Variants in ARHGEF1 observed in about 807,000 individuals in gnomAD.
The protein encoded by ARHGEF1 is 115 kDa guanine nucleotide exchange factor.
In ARHGEF1, 40 loss-of-function variants were observed where a neutral mutation model predicts 119.7. The observed-to-expected ratio is 0.33, with a 90% confidence interval of 0.26 to 0.44. ARHGEF1 has a LOEUF of 0.44. Among genes scored for constraint, ARHGEF1 ranks in the 20% least tolerant of loss-of-function variants. The pLI, the probability that ARHGEF1 is intolerant of heterozygous loss-of-function variation, is 1.00. For missense variants in ARHGEF1, 976 were observed against 1,268.3 expected (o/e 0.77, Z 3.50); for synonymous variants, 494 against 521.0 (o/e 0.95, Z 0.71).
Position 41,904,058 on chromosome 19 carries a change from A to G in ARHGEF1, c.1941A>G (p.Lys647=), listed in dbSNP as rs1223618708. ...AGAACCTGGACATCACCAAGAAGAA[A>G]TTGGTCCACGAGGGCCCACTGACGT... ...EFKNLDITKK[K]LVHEGPLTWR... is the part of the protein sequence containing the mutation. The change falls in exon 21 of 29, where the codon AAA becomes AAG. Residue 647 remains lysine, a synonymous_variant. Transcript: ENST00000354532. This position sits in a 1 kb window ranked among gnomAD's most constrained non-coding sequence, Gnocchi z 8.4. 1 of 1,614,000 alleles carries G rather than the reference A, an allele frequency of 6.2e-7. No homozygotes were observed. The highest frequency in any genetic ancestry group is 8.5e-7 in the Non-Finnish European group (1 of 1,179,974).
At chr19:41,912,656 G>A (rs928686946) in intron 18 of ARHGEF1, among the ~76,000 whole-genome samples, 3 of 152,210 alleles carry the variant, frequency 2.0e-5, no homozygotes, top group African/African-American at 4.8e-5. Context: ...CAGCACGCAG[G>A]GGGCAGGGGA....
At position 41,901,926 on chromosome 19, in the gene ARHGEF1, G is replaced by A. The variant is rs1402507703; in HGVS notation, c.1307G>A (p.Arg436Gln). The change falls in exon 15 of 29, where the codon CGG (arginine) becomes CAG (glutamine). Residue 436 changes from arginine (R) to glutamine (Q), a missense_variant. Coordinates refer to ENST00000354532, the MANE Select transcript of ARHGEF1 (RefSeq NM_004706.4). ...VTEAAHVRML[R>Q]VLHDLFFQPM... The stretch of plus-strand genomic sequence containing the variant: ...GAGGCGGCCCACGTGCGCATGCTGC[G>A]GGTGCTGCACGACCTCTTCTTCCAG... 3 of 1,613,086 alleles carry A rather than the reference G, an allele frequency of 1.9e-6. No individual in the cohort carries two copies. The highest frequency in any genetic ancestry group is 1.7e-6 in the Non-Finnish European group (2 of 1,180,024).
rs2074669222 is a variant in ARHGEF1, at chr19:41,905,134, T to TG, written c.2250-36dup. 1.2e-6 allele frequency: 2 copies of TG among 1,612,362 alleles called. No individual in the cohort carries two copies. Among genetic ancestry groups the TG allele is most frequent in the South Asian group, 1.1e-5 (1 of 91,026 alleles). On this transcript the variant is annotated intron_variant, in intron 23 of 28. Coordinates refer to ENST00000354532, the MANE Select transcript of ARHGEF1 (RefSeq NM_004706.4). This position sits in a 1 kb window ranked among gnomAD's most constrained non-coding sequence, Gnocchi z 6.4. Reference sequence around the variant, plus strand: ...TGTGGGGAGGCCCTGGCATAGGGTCTGGGGGCTCTGACTGCCCAGGGATTT... The same window carrying TG: ...TGTGGGGAGGCCCTGGCATAGGGTCTGGGGGGCTCTGACTGCCCAGGGATTT...
intron 1 of ARHGEF1, among the ~76,000 whole-genome samples, chr19:41,927,723 C>G (rs544340655): frequency 1.4e-4 from 22 of 152,284 alleles, no homozygotes; most frequent in African/African-American, 5.3e-4. Flanking sequence ...CACCAACCCC[C>G]GTTCCCAGAT....
intron 1 of ARHGEF1, among the ~76,000 whole-genome samples, chr19:41,884,717 T>C (rs1266027475): frequency 6.6e-6 from 1 of 152,110 alleles, no homozygotes; most frequent in African/African-American, 2.4e-5. Flanking sequence ...TGGCTTCTTA[T>C]AGACGTGGGG....
chr19:41,898,413 TG>T, intron 13 of ARHGEF1, 28 bp from the exon 14 acceptor site: 1 of 1,548,870 alleles, frequency 6.5e-7, no homozygotes, highest in Non-Finnish European at 8.7e-7. Flanking sequence ...TGGCCCAAGC[TG>T]GGGCCCTAAC....
intron 4 of ARHGEF1, among the ~76,000 whole-genome samples, chr19:41,891,798 G>A (rs2074381247): frequency 6.6e-6 from 1 of 152,196 alleles, no homozygotes; most frequent in Non-Finnish European, 1.5e-5. Context: ...AAGGACCATA[G>A]CACAGGATGG....
rs782700907 is a variant in ARHGEF1 at position 41,906,541 on chromosome 19, G to A, written c.2576G>A (p.Gly859Asp). ...CGAGATGGGGATGGGGTCCCAGGGG[G>A]CGGCCCCCTGAGCCCAGCACGGACC... ...PPRDGDGVPG[G>D]GPLSPARTQE... The change falls in exon 27 of 29, where the codon GGC (glycine) becomes GAC (aspartate). Residue 859 changes from glycine to aspartate, a missense_variant. Physicochemically the swap from Gly to Asp is moderately conservative, Grantham distance 94. Coordinates refer to ENST00000354532, the MANE Select transcript of ARHGEF1 (RefSeq NM_004706.4). This position sits in a 1 kb window ranked among gnomAD's most constrained non-coding sequence, Gnocchi z 4.5. 1 of 1,584,154 alleles carries A rather than the reference G, an allele frequency of 6.3e-7. No individual in the cohort carries two copies. Among genetic ancestry groups the A allele is most frequent in the Non-Finnish European group, 8.5e-7 (1 of 1,172,496 alleles).
In ARHGEF1 at chr19:41,894,890, C is replaced by T. The variant is rs141681527; in HGVS notation, c.877+229C>T. Among the ~76,000 whole-genome samples the T allele has an allele frequency of 2.9e-4, 24 of 82,604 alleles. No individual in the cohort carries two copies. In the African/African-American group the frequency reaches 5.1e-3, roughly 18 times the overall value. 54.2% of individuals were successfully genotyped at this position (82,604 alleles called of 152,430 possible). On this transcript the variant is annotated intron_variant, in intron 11 of 28. Coordinates refer to ENST00000354532, the MANE Select transcript of ARHGEF1 (RefSeq NM_004706.4). ...ACCCCTGGGTCTGAGGGAGGAGGGACTGGGCCTGGACCCCTGGCTCTGAGG... is the reference window on the plus strand; with the variant it reads ...ACCCCTGGGTCTGAGGGAGGAGGGATTGGGCCTGGACCCCTGGCTCTGAGG...
At position 41,892,891 on chromosome 19, in the gene ARHGEF1, C is replaced by A; in HGVS notation, c.614+42C>A. On this transcript the variant is annotated intron_variant, in intron 7 of 28. Transcript: ENST00000354532. This position sits in a 1 kb window ranked among gnomAD's most constrained non-coding sequence, Gnocchi z 6.3. ...TGGTGGGAGCGTCGCCCCTCCCCAG[C>A]ACAAGGGCACCCGTGCTACCTCTGG... is the stretch of plus-strand genomic sequence containing the variant. 1 of 1,453,694 alleles carries A rather than the reference C, an allele frequency of 6.9e-7. No individual in the cohort carries two copies. The allele number at this position is 1,453,694 out of a possible 1,614,324, so 90.0% of individuals were successfully genotyped here.
intron 1 of ARHGEF1, among the ~76,000 whole-genome samples, chr19:41,926,623 G>A (rs1014387772): frequency 6.6e-6 from 1 of 152,150 alleles, no homozygotes; most frequent in Non-Finnish European, 1.5e-5. Flanking sequence ...TCTGGGCTAG[G>A]CGAGGCCTGG....
rs138912380 is a variant in ARHGEF1, at chr19:41,896,431, T to C, written c.1070T>C (p.Leu357Pro). Reference sequence around the variant, plus strand: ...TCATCCCCGCAGGGCCCAATGAGCCTGGAGTCCTTGGCGCCCCCAGAGAGT... The same window carrying C: ...TCATCCCCGCAGGGCCCAATGAGCCCGGAGTCCTTGGCGCCCCCAGAGAGT... Reference protein sequence around the residue: ...GDSSPQGPMSLESLAPPESTD... With the variant: ...GDSSPQGPMSPESLAPPESTD... The change falls in exon 13 of 29, where the codon CTG (leucine) becomes CCG (proline). Residue 357 changes from leucine (L) to proline (P), a missense_variant. Transcript: ENST00000354532. 1.4e-6 allele frequency: 2 copies of C among 1,478,486 alleles called. No homozygotes were observed. Among genetic ancestry groups the C allele is most frequent in the South Asian group, 2.9e-5 (2 of 68,782 alleles). The allele number at this position is 1,478,486 out of a possible 1,614,324, so 91.6% of individuals were successfully genotyped here.
rs1377634158 is a variant in ARHGEF1, at chr19:41,903,324, G to A, written c.1756G>A (p.Glu586Lys). 2 of 1,613,846 alleles carry A rather than the reference G, an allele frequency of 1.2e-6. No homozygotes were observed. The highest frequency in any genetic ancestry group is 2.2e-5 in the East Asian group (1 of 44,890). Reference protein sequence around the residue: ...GQNTEEPTEREKVELAAECCR... With the variant: ...GQNTEEPTERKKVELAAECCR... ...GCCTGCAGAAGAGCCCACAGAACGG[G>A]AGAAAGTGGAGCTGGCAGCCGAGTG... The change falls in exon 19 of 29, where the codon GAG becomes AAG. Residue 586 changes from glutamate (E) to lysine (K), a missense_variant. Physicochemically the swap from Glu to Lys is moderately conservative, Grantham distance 56 (BLOSUM62 1). Transcript: ENST00000354532. The surrounding 1 kb of genome is among the most constrained non-coding windows in gnomAD (Gnocchi z 4.2).
Position 41,894,135 on chromosome 19 carries a change from AGT to A in ARHGEF1, c.645-41_645-40del, listed in dbSNP as rs35797687. 1,217 of 485,092 alleles carry A rather than the reference AGT, an allele frequency of 2.5e-3. 1 individual carries two copies. Among genetic ancestry groups the A allele is most frequent in the Non-Finnish European group, 3.1e-3 (896 of 293,764 alleles). 30.0% of individuals were successfully genotyped at this position (485,092 alleles called of 1,614,324 possible). On this transcript the variant is annotated intron_variant, in intron 8 of 28. Transcript: ENST00000354532. Reference sequence around the variant, plus strand: ...GGGAGAGAGAGAGAGTGTGTGTGTGAGTGTGTGTGTGTGTGTGTGTGTGTGTG... The same window carrying A: ...GGGAGAGAGAGAGAGTGTGTGTGTGAGTGTGTGTGTGTGTGTGTGTGTGTG...
rs782439650 is a variant in ARHGEF1, at chr19:41,902,525, C to T, written c.1498-8C>T. On this transcript the variant is annotated splice_polypyrimidine_tract_variant and splice_region_variant and intron_variant, in intron 16 of 28. Transcript: ENST00000354532. This position sits in a 1 kb window ranked among gnomAD's most constrained non-coding sequence, Gnocchi z 6.5. ...TGAGACACCTGCCTGGCCTGAATCTCGCTGTAGTTTGATGGTGCTGAGGGC... is the reference window on the plus strand; with the variant it reads ...TGAGACACCTGCCTGGCCTGAATCTTGCTGTAGTTTGATGGTGCTGAGGGC... 4.3e-6 allele frequency: 7 copies of T among 1,613,918 alleles called. No individual in the cohort carries two copies. The highest frequency in any genetic ancestry group is 1.7e-5 in the Admixed American group (1 of 60,002).
In ARHGEF1 at chr19:41,892,710, T is replaced by G. The variant is rs782620564; in HGVS notation, c.475T>G (p.Ser159Ala). The G allele has an allele frequency of 3.7e-6, 6 of 1,613,236 alleles. No homozygotes were observed. The East Asian group carries it at 8.9e-5, about 24-fold the overall frequency. The change falls in exon 7 of 29, where the codon TCC becomes GCC. Residue 159 changes from serine (S) to alanine (A), a missense_variant. Physicochemically the swap from Ser to Ala is moderately conservative, Grantham distance 99. Around this residue, in one of 3 missense-constraint regions of ARHGEF1, gnomAD observed 519 missense variants for 580.9 expected, o/e 0.89. Coordinates refer to ENST00000354532, the MANE Select transcript of ARHGEF1 (RefSeq NM_004706.4). The surrounding 1 kb of genome is among the most constrained non-coding windows in gnomAD (Gnocchi z 6.3). ...GGGCCGGCAGCTGGAGGACTTCCGTTCCAAGCGGCTCATGGGCATGACGCC... is the reference window on the plus strand; with the variant it reads ...GGGCCGGCAGCTGGAGGACTTCCGTGCCAAGCGGCTCATGGGCATGACGCC... ...AVGRQLEDFR[S>A]KRLMGMTPWE...
chr19:41,885,118 C>T (rs1000282234), intron 1 of ARHGEF1, among the ~76,000 whole-genome samples: 63 of 152,132 alleles, frequency 4.1e-4, no homozygotes, highest in African/African-American at 1.4e-3. Context: ...AGTGTTCCCT[C>T]TGCTGGACCC....
rs530633084 is a variant in ARHGEF1, at chr19:41,892,899, C to T, written c.614+50C>T. 77 of 1,448,996 alleles carry T rather than the reference C, an allele frequency of 5.3e-5. No individual in the cohort carries two copies. The African/African-American group carries it at 9.9e-4, about 19-fold the overall frequency. 89.8% of individuals were successfully genotyped at this position (1,448,996 alleles called of 1,614,324 possible). ...GCGTCGCCCCTCCCCAGCACAAGGGCACCCGTGCTACCTCTGGCATGTTCC... is the reference window on the plus strand; with the variant it reads ...GCGTCGCCCCTCCCCAGCACAAGGGTACCCGTGCTACCTCTGGCATGTTCC... On this transcript the variant is annotated intron_variant, in intron 7 of 28. Transcript: ENST00000354532. The surrounding 1 kb of genome is among the most constrained non-coding windows in gnomAD (Gnocchi z 6.3).
In ARHGEF1 at chr19:41,907,420, G is replaced by T. The variant is rs1555850601; in HGVS notation, c.*333G>T. 6.5e-7 allele frequency: 1 copy of T among 1,530,310 alleles called. No individual in the cohort carries two copies. Among genetic ancestry groups the T allele is most frequent in the East Asian group, 2.5e-5 (1 of 40,770 alleles). 94.8% of individuals were successfully genotyped at this position (1,530,310 alleles called of 1,614,324 possible). ...CTCTGTTTTTATACCCTGAATTGGAGGTTTATTTTTTAATATATATTATCT... is the reference window on the plus strand; with the variant it reads ...CTCTGTTTTTATACCCTGAATTGGATGTTTATTTTTTAATATATATTATCT... On this transcript the variant is annotated 3_prime_UTR_variant, in exon 29 of 29. Coordinates refer to ENST00000354532, the MANE Select transcript of ARHGEF1 (RefSeq NM_004706.4).
Sources: gnomAD v4.1 joint callset for allele counts (sites outside exome capture counted in the v4.1 genomes callset) on GRCh38, gnomAD v4.1.1 for gene constraint, gnomAD v4.1.1 regional missense constraint, Gnocchi (gnomAD v3.1) non-coding constraint, MANE v1.5 for transcripts, NCBI Gene and HGNC (gene_info 2026-07-23, HGNC 2026-07-21) for gene names.